The following FARS2 variants were observed in gnomAD, a reference collection of about 807,000 sequenced individuals.
The protein encoded by FARS2 is phenylalanyl-tRNA synthetase 2, mitochondrial.
A neutral mutation model predicts 46.4 loss-of-function variants in FARS2; 40 were observed. The ratio of observed to expected loss-of-function variants is 0.86; its 90% CI spans 0.67 to 1.12. The LOEUF (loss-of-function observed/expected upper bound fraction) is 1.12, where lower values mean the gene tolerates loss of function less well. Among genes scored for constraint, FARS2 ranks in the 50% most tolerant of loss-of-function variants. The probability of loss-of-function intolerance (pLI) is 0.00; values close to 1 mark genes in which losing one functional copy is unlikely to be tolerated. For missense variants in FARS2, 513 were observed against 567.9 expected, an observed-to-expected ratio of 0.90 and a Z score of 0.98; for synonymous variants, 234 against 214.9, an observed-to-expected ratio of 1.09 and a Z score of -0.78.
intron 4 of FARS2, among the ~76,000 whole-genome samples, chr6:5,456,744 A>AAAAAAAAAG (rs1554187511): frequency 3.0e-4 from 44 of 149,072 alleles, no homozygotes; most frequent in African/African-American, 1.1e-3. Context: ...AAAAAAAAAA[A>AAAAAAAAAG]AAAAGAGATG....
At chr6:5,726,902 C>T (rs1392935605) in intron 6 of FARS2, among the ~76,000 whole-genome samples, 1 of 152,228 alleles carries the variant, frequency 6.6e-6, no homozygotes, top group Non-Finnish European at 1.5e-5. Context: ...GGGTGAGCTT[C>T]CCGGGTAACT....
intron 1 of FARS2, among the ~76,000 whole-genome samples, chr6:5,283,085 A>G (rs898441184): frequency 6.6e-6 from 1 of 151,944 alleles, no homozygotes; most frequent in African/African-American, 2.4e-5. Flanking sequence ...AAAAATTCAA[A>G]AAAAATGCAG....
intron 5 of FARS2, among the ~76,000 whole-genome samples, chr6:5,589,837 C>A (rs1395274971): frequency 6.6e-6 from 1 of 152,128 alleles, no homozygotes; most frequent in Non-Finnish European, 1.5e-5. Context: ...GCTGTTTGTG[C>A]ATAGATACAG....
At chr6:5,370,945 A>G (rs980298987) in intron 2 of FARS2, among the ~76,000 whole-genome samples, 2 of 152,178 alleles carry the variant, frequency 1.3e-5, no homozygotes, top group Admixed American at 6.5e-5. Context: ...ACTCCTCTTA[A>G]TAAAAACCTC....
chr6:5,686,587 TA>T (rs1757245698), intron 6 of FARS2, among the ~76,000 whole-genome samples: 1 of 152,256 alleles, frequency 6.6e-6, no homozygotes. Context: ...CACATTTTCT[TA>T]ATCCAGTCTT....
Position 5,431,114 on chromosome 6 carries a change from T to G in FARS2, c.846T>G (p.His282Gln), listed in dbSNP as rs764139130. ...HPSFEMEINF[H>Q]GEWLEVLGCG... The stretch of plus-strand genomic sequence containing the variant: ...CCTTTGAGATGGAGATCAACTTTCA[T>G]GGAGAATGGCTGGAAGTTCTTGGCT... The change falls in exon 4 of 7, where the codon CAT becomes CAG. Residue 282 changes from histidine to glutamine, a missense_variant. By Grantham distance (24) the His-to-Gln change is conservative. Coordinates refer to ENST00000274680, the MANE Select transcript of FARS2 (RefSeq NM_006567.5). 1.2e-6 allele frequency: 2 copies of G among 1,613,918 alleles called. No individual in the cohort carries two copies. The highest frequency in any genetic ancestry group is 1.7e-6 in the Non-Finnish European group (2 of 1,179,918).
intron 5 of FARS2, among the ~76,000 whole-genome samples, chr6:5,584,445 ATTAC>A (rs1773508217): frequency 6.6e-6 from 1 of 152,160 alleles, no homozygotes. Context: ...GCAAGTAATG[ATTAC>A]TCTGGTTAGG....
At chr6:5,575,450 C>T (rs1170948340) in intron 5 of FARS2, among the ~76,000 whole-genome samples, 1 of 152,180 alleles carries the variant, frequency 6.6e-6, no homozygotes, top group African/African-American at 2.4e-5. Flanking sequence ...TATTTGAGAG[C>T]AAATGGGAGA....
At position 5,288,195 on chromosome 6, in the gene FARS2, C is replaced by T. The variant is rs147075928; in HGVS notation, c.-22+26535C>T. On this transcript the variant is annotated intron_variant, in intron 1 of 6. Coordinates refer to ENST00000274680, the MANE Select transcript of FARS2 (RefSeq NM_006567.5). The stretch of plus-strand genomic sequence containing the variant: ...TGTGCTGAGTCCAGTGATCATCTTT[C>T]ATGTTTTGTCCAACCATCTGCCCTG... 4.9e-3 allele frequency among the ~76,000 whole-genome samples: 739 copies of T among 152,334 alleles called. 3 individuals carry two copies. Among genetic ancestry groups the T allele is most frequent in the African/African-American group, 0.016 (657 of 41,574 alleles).
chr6:5,363,459 C>T (rs1314630168), intron 1 of FARS2, among the ~76,000 whole-genome samples: 1 of 151,546 alleles, frequency 6.6e-6, no homozygotes, highest in Non-Finnish European at 1.5e-5. Context: ...TTTTCTTTTT[C>T]TTCCTATTTC....
chr6:5,661,604 A>G (rs1378976640), intron 6 of FARS2, among the ~76,000 whole-genome samples: 1 of 152,202 alleles, frequency 6.6e-6, no homozygotes, highest in African/African-American at 2.4e-5. Flanking sequence ...GGAGTAGCCA[A>G]CATCACTGAA....
intron 6 of FARS2, among the ~76,000 whole-genome samples, chr6:5,688,514 C>T (rs895950054): frequency 1.4e-4 from 22 of 152,134 alleles, no homozygotes; most frequent in Non-Finnish European, 2.9e-4. Context: ...TATCGATTTG[C>T]GTATGTTGAA....
intron 4 of FARS2, among the ~76,000 whole-genome samples, chr6:5,442,726 C>A (rs1236141060): frequency 6.6e-6 from 1 of 152,146 alleles, no homozygotes; most frequent in African/African-American, 2.4e-5. Context: ...AAGTCGTACT[C>A]TAGGATGTGC....
intron 5 of FARS2, chr6:5,609,773 T>G: frequency 6.7e-7 from 1 of 1,488,758 alleles, no homozygotes; most frequent in Middle Eastern, 2.4e-4. Context: ...ACTGCCTCGG[T>G]CAGTCATGAT....
At chr6:5,522,568 T>C (rs1769211475) in intron 4 of FARS2, among the ~76,000 whole-genome samples, 1 of 152,244 alleles carries the variant, frequency 6.6e-6, no homozygotes, top group South Asian at 2.1e-4. Context: ...AGCGGAAGTA[T>C]GTTTTTGGCT....
intron 3 of FARS2, among the ~76,000 whole-genome samples, chr6:5,410,961 C>T (rs1013084016): frequency 2.0e-5 from 3 of 152,110 alleles, no homozygotes; most frequent in Non-Finnish European, 4.4e-5. Context: ...AATCACAGGG[C>T]TGGTAAGTAT....
At chr6:5,324,060 C>T (rs1770175218) in intron 1 of FARS2, among the ~76,000 whole-genome samples, 1 of 152,126 alleles carries the variant, frequency 6.6e-6, no homozygotes, top group African/African-American at 2.4e-5. Context: ...GATAAAGCCC[C>T]CTCACCCTAA....
chr6:5,763,768 G>T (rs1206672), intron 6 of FARS2, among the ~76,000 whole-genome samples: 10,891 of 65,094 alleles, frequency 0.17, 551 homozygotes, highest in Middle Eastern at 0.3. Flanking sequence ...TTCCCTTTTG[G>T]TTTTTTTTTT....
chr6:5,498,289 A>G (rs1767588586), intron 4 of FARS2, among the ~76,000 whole-genome samples: 1 of 152,198 alleles, frequency 6.6e-6, no homozygotes, highest in Non-Finnish European at 1.5e-5. Context: ...TGAGTGGTAG[A>G]GTTTTCAGGC....
Sources: allele counts gnomAD v4.1 joint callset (sites outside exome capture counted in the v4.1 genomes callset), GRCh38; gene constraint gnomAD v4.1.1; transcripts MANE v1.5; gene names NCBI Gene and HGNC (gene_info 2026-07-23, HGNC 2026-07-21).